ALDH7A1: variants seen among roughly 807,000 people sequenced by gnomAD.
The protein encoded by ALDH7A1 is aldehyde dehydrogenase 7 family member A1, also known as alpha-aminoadipic semialdehyde dehydrogenase.
Under a neutral mutation model 79.9 loss-of-function variants are expected in ALDH7A1, and 63 were observed. That is an observed-to-expected ratio of 0.79 (90% CI 0.64 to 0.97). ALDH7A1 has a LOEUF of 0.97. Ranked by LOEUF, ALDH7A1 falls within the 50% of genes least tolerant of loss-of-function variation. The pLI is 0.00. For missense variants in ALDH7A1, 627 were observed against 665.2 expected, an observed-to-expected ratio of 0.94 and a Z score of 0.63; for synonymous variants, 240 against 231.2, an observed-to-expected ratio of 1.04 and a Z score of -0.34.
At chr5:126,593,558 T>C (rs1437632272) in intron 1 of ALDH7A1, 154 bp from the exon 2 acceptor site, 4 of 1,043,644 alleles carry the variant, frequency 3.8e-6, no homozygotes, top group Non-Finnish European at 5.6e-6. Context: ...TATAAACCAC[T>C]CTACAGAGGT....
At chr5:126,591,676 G>A (rs1478687024) in intron 3 of ALDH7A1, among the ~76,000 whole-genome samples, 2 of 152,134 alleles carry the variant, frequency 1.3e-5, no homozygotes, top group Non-Finnish European at 2.9e-5. Context: ...GCACACTGAG[G>A]ATGGGGGTAG....
chr5:126,581,192 G>T (rs1300097725), intron 5 of ALDH7A1: 3 of 151,618 alleles, frequency 2.0e-5, no homozygotes, highest in Non-Finnish European at 4.4e-5. Context: ...TATAAGATTG[G>T]TTCTTACAGA....
chr5:126,558,682 C>T (rs1344292837), intron 11 of ALDH7A1, among the ~76,000 whole-genome samples: 1 of 152,012 alleles, frequency 6.6e-6, no homozygotes, highest in Admixed American at 6.6e-5. Flanking sequence ...AGCCATCATG[C>T]CTTGCTAATT....
intron 8 of ALDH7A1, chr5:126,570,547 ATAAACACCT>A (rs1750737172): frequency 2.1e-6 from 1 of 487,344 alleles, no homozygotes; most frequent in African/African-American, 2.0e-5. Context: ...ATTTCAGGAT[ATAAACACCT>A]TAACAAATAG....
At chr5:126,551,077 A>G (rs1249393861) in intron 14 of ALDH7A1, among the ~76,000 whole-genome samples, 2 of 152,066 alleles carry the variant, frequency 1.3e-5, no homozygotes, top group Non-Finnish European at 2.9e-5. Context: ...CTATAGGTAC[A>G]TACAACACCT....
chr5:126,594,949 G>T lies in ALDH7A1; in HGVS notation c.192+58C>A, dbSNP rs1421060704. On this transcript the variant is annotated intron_variant, in intron 1 of 17. Coordinates refer to ENST00000409134, the MANE Select transcript of ALDH7A1 (RefSeq NM_001182.5). The stretch of plus-strand genomic sequence containing the variant: ...GCGGGGAGTCGGTAGGTCAGTGCCC[G>T]CCCGGCCTCCTCGAGCGAGCCCCGG... 6 of 1,549,660 alleles carry T rather than the reference G, an allele frequency of 3.9e-6. No individual in the cohort carries two copies. In the African/African-American group the frequency reaches 8.2e-5, roughly 21 times the overall value.
chr5:126,561,735 T>G (rs1444751093), intron 9 of ALDH7A1: 1 of 152,046 alleles, frequency 6.6e-6, no homozygotes, highest in Non-Finnish European at 1.5e-5. Flanking sequence ...AAAAATAAAG[T>G]AAAATGGGAT....
intron 5 of ALDH7A1, among the ~76,000 whole-genome samples, chr5:126,577,477 G>A (rs940703419): frequency 6.6e-6 from 1 of 152,100 alleles, no homozygotes; most frequent in Non-Finnish European, 1.5e-5. Context: ...AGTGCACCTG[G>A]GAGACAAGGA....
At chr5:126,549,771 T>G in intron 16 of ALDH7A1, 158 bp downstream of exon 16, 1 of 771,490 alleles carries the variant, frequency 1.3e-6, no homozygotes, top group Non-Finnish European at 2.3e-6. Context: ...GCGATAACTT[T>G]GAATACAGAA....
At chr5:126,547,519 T>G (rs576998573) in intron 16 of ALDH7A1, among the ~76,000 whole-genome samples, 2 of 152,266 alleles carry the variant, frequency 1.3e-5, no homozygotes, top group South Asian at 4.1e-4. Flanking sequence ...GCCTCTGTTT[T>G]CTACTGCTTC....
At chr5:126,545,452 G>A (rs1232990335) in intron 17 of ALDH7A1, among the ~76,000 whole-genome samples, 11 of 151,086 alleles carry the variant, frequency 7.3e-5, no homozygotes, top group Admixed American at 6.6e-4. Context: ...TAGTAGAGAC[G>A]GGGTTTCACC....
intron 1 of ALDH7A1, chr5:126,594,115 T>C (rs10519915): frequency 0.07 from 30,035 of 428,400 alleles, 1,303 homozygotes; most frequent in South Asian, 0.12. Context: ...TACCTTTCCA[T>C]TGTATTCTAT....
chr5:126,577,767 C>T (rs528258596), intron 5 of ALDH7A1, among the ~76,000 whole-genome samples: 2 of 151,792 alleles, frequency 1.3e-5, no homozygotes, highest in Admixed American at 6.5e-5. Context: ...AGTTTCACCA[C>T]GTTGCCCAGG....
intron 10 of ALDH7A1, among the ~76,000 whole-genome samples, chr5:126,560,609 C>A (rs1750371144): frequency 6.6e-6 from 1 of 151,536 alleles, no homozygotes; most frequent in Non-Finnish European, 1.5e-5. Flanking sequence ...CATAAGTAAT[C>A]TCTAAGCCTA....
At chr5:126,590,141 G>A (rs888009696) in intron 3 of ALDH7A1, among the ~76,000 whole-genome samples, 5 of 149,694 alleles carry the variant, frequency 3.3e-5, no homozygotes, top group Admixed American at 2.0e-4. Flanking sequence ...AGTGAAGAGC[G>A]CCTCTGCCCG....
intron 14 of ALDH7A1, 59 bp downstream of exon 14, chr5:126,551,962 A>G: frequency 1.5e-6 from 2 of 1,330,988 alleles, no homozygotes; most frequent in South Asian, 1.2e-5. Flanking sequence ...TTAATCCACC[A>G]TCATTTTCCT....
intron 14 of ALDH7A1, among the ~76,000 whole-genome samples, chr5:126,551,151 C>T (rs1488667026): frequency 6.6e-6 from 1 of 152,056 alleles, no homozygotes; most frequent in African/African-American, 2.4e-5. Flanking sequence ...TGGTCTTGAG[C>T]ACCTGGCCTC....
intron 5 of ALDH7A1, among the ~76,000 whole-genome samples, chr5:126,582,349 C>A (rs7714044): frequency 6.6e-6 from 1 of 152,206 alleles, no homozygotes; most frequent in East Asian, 1.9e-4. Flanking sequence ...ATAAAATCCT[C>A]CCGTAAAAGT....
At position 126,595,046 on chromosome 5, in the gene ALDH7A1, G is replaced by T; in HGVS notation, c.153C>A (p.Asn51Lys). 6.2e-7 allele frequency: 1 copy of T among 1,609,874 alleles called. No homozygotes were observed. The highest frequency in any genetic ancestry group is 1.1e-5 in the South Asian group (1 of 89,984). Residue 51 changes from asparagine to lysine, a missense_variant, in exon 1 of 18, where the codon AAC becomes AAA. By Grantham distance (94) the Asn-to-Lys change is moderately conservative. Transcript: ENST00000409134. Reference protein sequence around the residue: ...WLKELGLREENEGVYNGSWGG... With the variant: ...WLKELGLREEKEGVYNGSWGG... ...CCCAGCTTCCATTATACACGCCCTCGTTTTCCTCGCGGAGCCCCAGCTCTT... is the reference window on the plus strand; with the variant it reads ...CCCAGCTTCCATTATACACGCCCTCTTTTTCCTCGCGGAGCCCCAGCTCTT...
Sources: allele counts gnomAD v4.1 joint callset (sites outside exome capture counted in the v4.1 genomes callset), GRCh38; gene constraint gnomAD v4.1.1; transcripts MANE v1.5; gene names NCBI Gene and HGNC (gene_info 2026-07-23, HGNC 2026-07-21).